Variants in P3H2 observed in about 807,000 individuals in gnomAD.
The protein encoded by P3H2 is leprecan-like 1.
P3H2 carries 80 observed loss-of-function variants against 87.0 expected under a neutral mutation model. The observed-to-expected ratio is 0.92, with a 90% confidence interval of 0.77 to 1.11. The LOEUF is 1.11. Ranked by LOEUF, P3H2 falls within the 50% of genes least tolerant of loss-of-function variation. The probability of loss-of-function intolerance (pLI) is 0.00; values close to 1 mark genes in which losing one functional copy is unlikely to be tolerated. For synonymous variants in P3H2, 367 were observed against 359.3 expected, an observed-to-expected ratio of 1.02 and a Z score of -0.24; for missense variants, 1,001 against 923.9, an observed-to-expected ratio of 1.08 and a Z score of -1.08.
rs151035620 is a variant in P3H2, at chr3:189,974,680, G to C, written c.1330C>G (p.Pro444Ala). The C allele has an allele frequency of 6.2e-6, 10 of 1,614,134 alleles. No individual in the cohort carries two copies. In the African/African-American group the frequency reaches 1.2e-4, roughly 19 times the overall value. ...KIDRDLREGG[P>A]LLYENITFVY... ...AATGTGATGTTCTCATAGAGTAGAG[G>C]ACCACCTACAGGAACAGAGCACATT... Residue 444 changes from proline to alanine, a missense_variant, in exon 9 of 15, where the codon CCT becomes GCT. Physicochemically the swap from Pro to Ala is conservative, Grantham distance 27. Coordinates refer to ENST00000319332, the MANE Select transcript of P3H2 (RefSeq NM_018192.4).
chr3:189,998,056 T>C (rs1724102622), intron 1 of P3H2, among the ~76,000 whole-genome samples: 2 of 152,200 alleles, frequency 1.3e-5, no homozygotes, highest in African/African-American at 4.8e-5. Context: ...TATGAATGTG[T>C]TCAGCAGTCA....
intron 1 of P3H2, among the ~76,000 whole-genome samples, chr3:190,117,611 C>G (rs891694648): frequency 1.3e-5 from 2 of 151,060 alleles, no homozygotes; most frequent in Non-Finnish European, 1.5e-5. Flanking sequence ...CCAGACCTGT[C>G]AGAGCTCCAG....
At chr3:190,015,959 G>A (rs1028983649) in intron 1 of P3H2, among the ~76,000 whole-genome samples, 4 of 152,296 alleles carry the variant, frequency 2.6e-5, no homozygotes, top group African/African-American at 7.2e-5. Context: ...GTGTATCTGC[G>A]TTGGAGGGTG....
chr3:190,004,007 C>A (rs1724300508), intron 1 of P3H2, among the ~76,000 whole-genome samples: 1 of 152,180 alleles, frequency 6.6e-6, no homozygotes, highest in South Asian at 2.1e-4. Flanking sequence ...GTAGTCATTA[C>A]TTTAACATCT....
intron 1 of P3H2, among the ~76,000 whole-genome samples, chr3:190,103,940 C>T (rs551134657): frequency 6.6e-5 from 10 of 151,858 alleles, no homozygotes; most frequent in African/African-American, 1.9e-4. Flanking sequence ...TACAGGTGCC[C>T]GCCACCACAT....
At chr3:190,067,616 C>T (rs941731394) in intron 1 of P3H2, among the ~76,000 whole-genome samples, 4 of 152,106 alleles carry the variant, frequency 2.6e-5, no homozygotes, top group African/African-American at 7.2e-5. Context: ...TCCTCTTCAC[C>T]TCCCCTCCAG....
chr3:190,031,906 T>TA (rs1725266908), intron 1 of P3H2, among the ~76,000 whole-genome samples: 1 of 152,202 alleles, frequency 6.6e-6, no homozygotes, highest in Admixed American at 6.6e-5. Context: ...TAGAGGAGAC[T>TA]AAAAAGACAA....
At chr3:190,045,376 C>G (rs759470346) in intron 1 of P3H2, among the ~76,000 whole-genome samples, 6 of 152,136 alleles carry the variant, frequency 3.9e-5, no homozygotes, top group Non-Finnish European at 1.5e-5. Flanking sequence ...AAATAGGGCT[C>G]TTGCTGTAAG....
rs368398317 is a variant in P3H2 at position 190,082,183 on chromosome 3, T to C, written c.480+38069A>G. On this transcript the variant is annotated intron_variant, in intron 1 of 14. Coordinates refer to ENST00000319332, the MANE Select transcript of P3H2 (RefSeq NM_018192.4). ...AGGCAGGAGAATCACCTGAACCCGGTAGACGGAAGTTGCAGTGAGCTGAGA... is the reference window on the plus strand; with the variant it reads ...AGGCAGGAGAATCACCTGAACCCGGCAGACGGAAGTTGCAGTGAGCTGAGA... 2.3e-3 allele frequency among the ~76,000 whole-genome samples: 352 copies of C among 152,192 alleles called. 1 individual carries two copies. Among genetic ancestry groups the C allele is most frequent in the South Asian group, 0.011 (52 of 4,822 alleles).
chr3:189,958,822 G>C (rs1722721062), intron 14 of P3H2, among the ~76,000 whole-genome samples: 1 of 149,986 alleles, frequency 6.7e-6, no homozygotes, highest in East Asian at 2.0e-4. Flanking sequence ...TCCTGCCTCA[G>C]CCTCCCAAGT....
At chr3:190,082,111 C>T (rs1170479674) in intron 1 of P3H2, among the ~76,000 whole-genome samples, 1 of 152,098 alleles carries the variant, frequency 6.6e-6, no homozygotes, top group Non-Finnish European at 1.5e-5. Context: ...TAAAAATTAG[C>T]TGGGCTTGGT....
intron 1 of P3H2, among the ~76,000 whole-genome samples, chr3:190,063,046 T>C (rs1399386852): frequency 2.0e-5 from 3 of 152,162 alleles, no homozygotes; most frequent in Non-Finnish European, 4.4e-5. Context: ...ATAAAGCTAT[T>C]CTTCTATTAA....
chr3:189,969,919 G>A lies in P3H2; in HGVS notation c.1893+897C>T, dbSNP rs534803632. On this transcript the variant is annotated intron_variant, in intron 13 of 14. Coordinates refer to ENST00000319332, the MANE Select transcript of P3H2 (RefSeq NM_018192.4). ...GCACTCGGGACTAAGGGAATGAAGT[G>A]GGCCAAAGAGCGGCAGCAGTCGAAA... 414 of 822,664 alleles carry A rather than the reference G, an allele frequency of 5.0e-4. 2 individuals are homozygous for A. The African/African-American group carries it at 6.5e-3, about 13-fold the overall frequency. 51.0% of individuals were successfully genotyped at this position (822,664 alleles called of 1,614,324 possible). A position where few individuals can be genotyped will look rare whatever the true frequency, so the allele number is the denominator to read the frequency against.
At position 189,974,576 on chromosome 3, in the gene P3H2, C is replaced by T. The variant is rs2108910190; in HGVS notation, c.1434G>A (p.Glu478=). 1.2e-6 allele frequency: 2 copies of T among 1,613,952 alleles called. No homozygotes were observed. Among genetic ancestry groups the T allele is most frequent in the Non-Finnish European group, 1.7e-6 (2 of 1,180,022 alleles). Residue 478 remains glutamate (E), a synonymous_variant, in exon 9 of 15, where the codon GAG becomes GAA. Transcript: ENST00000319332. The part of the protein sequence containing the change: ...DNVLSEEQCR[E]LHSVASGIML... Reference sequence around the variant, plus strand: ...TCCTCACACTGGCCACGCTGTGGAGCTCCCGGCACTGTTCTTCCGACAGGA... The same window carrying T: ...TCCTCACACTGGCCACGCTGTGGAGTTCCCGGCACTGTTCTTCCGACAGGA...
At position 190,072,331 on chromosome 3, in the gene P3H2, T is replaced by C. The variant is rs192088365; in HGVS notation, c.480+47921A>G. ...CATGAGCCACCATGCCCGGTCAAGA[T>C]GAAGTTTTAATCCATTAAACTTTAA... is the stretch of plus-strand genomic sequence containing the variant. On this transcript the variant is annotated intron_variant, in intron 1 of 14. Coordinates refer to ENST00000319332, the MANE Select transcript of P3H2 (RefSeq NM_018192.4). Among the ~76,000 whole-genome samples the C allele has an allele frequency of 7.9e-5, 12 of 152,276 alleles. No homozygotes were observed. In the East Asian group the frequency reaches 2.3e-3, roughly 29 times the overall value.
intron 14 of P3H2, among the ~76,000 whole-genome samples, chr3:189,958,984 C>T (rs1334019967): frequency 1.3e-5 from 2 of 152,004 alleles, no homozygotes; most frequent in Non-Finnish European, 2.9e-5. Flanking sequence ...CCACTGCACC[C>T]GGCCAATCGC....
intron 1 of P3H2, among the ~76,000 whole-genome samples, chr3:190,011,268 T>C (rs1326155482): frequency 7.6e-6 from 1 of 131,662 alleles, no homozygotes; most frequent in Non-Finnish European, 1.6e-5. Context: ...CAAGACTCCA[T>C]CTCCAAAAAA....
intron 14 of P3H2, among the ~76,000 whole-genome samples, chr3:189,958,486 G>A (rs923605229): frequency 2.0e-5 from 3 of 151,844 alleles, no homozygotes; most frequent in Non-Finnish European, 2.9e-5. Flanking sequence ...TATTGTTGCC[G>A]GAGTTTAGGT....
intron 14 of P3H2, among the ~76,000 whole-genome samples, chr3:189,960,611 A>T (rs1049302427): frequency 6.6e-6 from 1 of 152,170 alleles, no homozygotes; most frequent in Non-Finnish European, 1.5e-5. Context: ...GCTGCTAAGG[A>T]TTCTTACCAA....
Sources: allele counts gnomAD v4.1 joint callset (sites outside exome capture counted in the v4.1 genomes callset), GRCh38; gene constraint gnomAD v4.1.1; transcripts MANE v1.5; gene names NCBI Gene and HGNC (gene_info 2026-07-23, HGNC 2026-07-21).